DST: variants seen among roughly 807,000 people sequenced by gnomAD.
DST encodes the protein dystonin, also known as bullous pemphigoid antigen.
DST carries 253 observed loss-of-function variants against 875.2 expected under a neutral mutation model. That is an observed-to-expected ratio of 0.29 (90% confidence interval 0.26 to 0.32). The LOEUF (loss-of-function observed/expected upper bound fraction) is 0.32. DST is among the 10% of genes least tolerant of loss of function. The probability of loss-of-function intolerance (pLI) is 1.00; values close to 1 mark genes in which losing one functional copy is unlikely to be tolerated. For synonymous variants in DST, 3,124 were observed against 3,197.1 expected (o/e 0.98, Z 0.77); for missense variants, 8,287 against 9,111.6 (o/e 0.91, Z 3.68).
At chr6:56,519,483 C>A (rs920005208) in intron 69 of DST, among the ~76,000 whole-genome samples, 1 of 152,136 alleles carries the variant, frequency 6.6e-6, no homozygotes, top group African/African-American at 2.4e-5. Context: ...TCAGTTGAGA[C>A]CATGTGGGGA....
intron 58 of DST, 24 bp from the exon 59 acceptor site, chr6:56,557,542 G>A: frequency 6.4e-7 from 1 of 1,567,484 alleles, no homozygotes; most frequent in Non-Finnish European, 8.7e-7. Flanking sequence ...AATGAAACTG[G>A]TGTTTGACAT....
At chr6:56,598,156 C>A in intron 46 of DST, 150 bp from the exon 47 acceptor site, 1 of 796,514 alleles carries the variant, frequency 1.3e-6, no homozygotes, top group Non-Finnish European at 1.8e-6. Flanking sequence ...GAAATTAAAC[C>A]TCAGAGCAAC....
intron 58 of DST, among the ~76,000 whole-genome samples, chr6:56,557,864 C>A (rs1337662349): frequency 6.6e-6 from 1 of 152,044 alleles, no homozygotes; most frequent in Non-Finnish European, 1.5e-5. Context: ...AACAATAATC[C>A]TTTTAATATC....
rs2098828825 is a variant in DST at position 56,636,648 on chromosome 6, T to C, written c.2969A>G (p.Tyr990Cys). ...CCACTGCGTCTGCATTGCCGCTCTG[T>C]AGGCCTTAAAGATAAAACAGAGCCA... is the stretch of plus-strand genomic sequence containing the variant. The part of the protein sequence containing the change: ...NHPARLTIEA[Y>C]RAAMQTQWSW... The change falls in exon 23 of 104, where the codon TAC becomes TGC. Residue 990 changes from tyrosine (Y) to cysteine (C), a missense_variant. Tyr to Cys is a radical substitution (Grantham distance 194). Transcript: ENST00000680361. 1.2e-6 allele frequency: 2 copies of C among 1,613,082 alleles called. No homozygotes were observed. The highest frequency in any genetic ancestry group is 1.7e-6 in the Non-Finnish European group (2 of 1,179,682).
intron 5 of DST, among the ~76,000 whole-genome samples, chr6:56,734,636 T>C (rs925475668): frequency 6.6e-6 from 1 of 152,172 alleles, no homozygotes; most frequent in Non-Finnish European, 1.5e-5. Flanking sequence ...GCAAATTTTG[T>C]GTTTATCTAT....
Position 56,553,595 on chromosome 6 carries a change from G to T in DST, c.15197C>A (p.Ser5066Tyr), listed in dbSNP as rs780964450. ...ATCCAGCCAAGCCTGAAAATCTCTAGACATTTGCTGAAATTGATGAGAGCT... is the reference window on the plus strand; with the variant it reads ...ATCCAGCCAAGCCTGAAAATCTCTATACATTTGCTGAAATTGATGAGAGCT... ...CASSHQFQQMSRDFQAWLDTK... is the reference protein window; with the variant it reads ...CASSHQFQQMYRDFQAWLDTK... Residue 5066 changes from serine to tyrosine, a missense_variant, in exon 61 of 104, where the codon TCT becomes TAT. By Grantham distance (144) the Ser-to-Tyr change is moderately radical. Around this residue, in one of 10 missense-constraint regions of DST, gnomAD observed 1,513 missense variants for 1,677.8 expected, o/e 0.90. Coordinates refer to ENST00000680361, the MANE Select transcript of DST (RefSeq NM_001374736.1). 6.2e-7 allele frequency: 1 copy of T among 1,613,754 alleles called. No homozygotes were observed. Among genetic ancestry groups the T allele is most frequent in the Non-Finnish European group, 8.5e-7 (1 of 1,179,850 alleles).
At chr6:56,464,107 T>C (rs1451592368) in intron 100 of DST, 1 of 392,190 alleles carries the variant, frequency 2.5e-6, no homozygotes, top group Admixed American at 3.5e-5. Flanking sequence ...GATGCCCACA[T>C]GGTTTCATTA....
At chr6:56,642,317 A>G (rs2098914947) in intron 16 of DST, 93 bp downstream of exon 16, 6 of 997,112 alleles carry the variant, frequency 6.0e-6, no homozygotes, top group South Asian at 1.3e-5. Context: ...AGTATTACGA[A>G]GAATCAACCA....
chr6:56,518,996 G>A (rs1439578819), intron 69 of DST, among the ~76,000 whole-genome samples: 1 of 152,054 alleles, frequency 6.6e-6, no homozygotes, highest in Non-Finnish European at 1.5e-5. Context: ...TGTTCTTCGT[G>A]GTAAGTACAC....
At chr6:56,491,618 C>T (rs1023503969) in intron 85 of DST, among the ~76,000 whole-genome samples, 1 of 151,956 alleles carries the variant, frequency 6.6e-6, no homozygotes, top group Non-Finnish European at 1.5e-5. Flanking sequence ...TTTAAAGTGG[C>T]CCCAAAAGAT....
Position 56,602,743 on chromosome 6 carries a change from A to G in DST, c.11307+139T>C, listed in dbSNP as rs184513168. 181 of 588,746 alleles carry G rather than the reference A, an allele frequency of 3.1e-4. No homozygotes were observed. In the African/African-American group the frequency reaches 3.1e-3, roughly 10 times the overall value. 36.5% of individuals were successfully genotyped at this position (588,746 alleles called of 1,614,324 possible). On this transcript the variant is annotated intron_variant, in intron 43 of 103. Transcript: ENST00000680361. ...TGATTATTTTATAGTTGTGTCAACT[A>G]TGAATAAAGACATCTCTAGAGACAA... is the stretch of plus-strand genomic sequence containing the variant.
intron 3 of DST, among the ~76,000 whole-genome samples, chr6:56,872,154 G>A (rs1376662090): frequency 1.3e-5 from 2 of 152,098 alleles, no homozygotes; most frequent in African/African-American, 2.4e-5. Flanking sequence ...TACAGTAAAG[G>A]CCTGAAAACA....
chr6:56,615,449 T>C, intron 36 of DST: 2 of 1,608,854 alleles, frequency 1.2e-6, no homozygotes, highest in Admixed American at 3.4e-5. Flanking sequence ...GCCGATATCA[T>C]CATACTCTGA....
Position 56,712,608 on chromosome 6 carries a change from G to A in DST, c.688-8239C>T, listed in dbSNP as rs545739981. On this transcript the variant is annotated intron_variant, in intron 5 of 103. Transcript: ENST00000680361. ...TGCCATGACTTAAAAAATATAACTAGGTGTAACAAAGTCTGCTTGACACAG... is the reference window on the plus strand; with the variant it reads ...TGCCATGACTTAAAAAATATAACTAAGTGTAACAAAGTCTGCTTGACACAG... Among the ~76,000 whole-genome samples the A allele has an allele frequency of 1.0e-3, 152 of 152,118 alleles. 1 individual carries two copies. Among genetic ancestry groups the A allele is most frequent in the African/African-American group, 3.6e-3 (148 of 41,494 alleles).
intron 10 of DST, among the ~76,000 whole-genome samples, chr6:56,661,264 G>A (rs1313627682): frequency 1.3e-5 from 2 of 152,158 alleles, no homozygotes; most frequent in African/African-American, 4.8e-5. Flanking sequence ...TACAAGAAGT[G>A]TTAAAACAAA....
intron 3 of DST, among the ~76,000 whole-genome samples, chr6:56,887,138 A>T (rs1785015459): frequency 6.6e-6 from 1 of 152,240 alleles, no homozygotes; most frequent in Non-Finnish European, 1.5e-5. Flanking sequence ...GCACTATTTA[A>T]TGGTAGGAGA....
At chr6:56,529,947 C>G in intron 65 of DST, 27 bp downstream of exon 65, 1 of 1,608,314 alleles carries the variant, frequency 6.2e-7, no homozygotes, top group East Asian at 2.2e-5. Context: ...AAAACTGAAC[C>G]TCGCTAATGT....
At chr6:56,530,546 G>A (rs185904278) in intron 64 of DST, among the ~76,000 whole-genome samples, 340 of 152,302 alleles carry the variant, frequency 2.2e-3, no homozygotes, top group Non-Finnish European at 4.0e-3. Flanking sequence ...TACTGAGATT[G>A]CTCTTAATCA....
Position 56,657,897 on chromosome 6 carries a change from T to C in DST, c.1215-6653A>G, listed in dbSNP as rs565378029. Among the ~76,000 whole-genome samples the C allele has an allele frequency of 7.6e-4, 114 of 150,424 alleles. 2 individuals are homozygous for C. Among genetic ancestry groups the C allele is most frequent in the African/African-American group, 2.7e-3 (109 of 40,760 alleles). ...TCTCCTGCCTCAGCCTCCCAAGTAG[T>C]TGGGATTACAGGCACCTACCACCAT... On this transcript the variant is annotated intron_variant, in intron 10 of 103. Transcript: ENST00000680361.
Sources: gnomAD v4.1 joint callset for allele counts (sites outside exome capture counted in the v4.1 genomes callset) on GRCh38, gnomAD v4.1.1 for gene constraint, gnomAD v4.1.1 regional missense constraint, MANE v1.5 for transcripts, NCBI Gene and HGNC (gene_info 2026-07-23, HGNC 2026-07-21) for gene names.